The following SYN2 variants were observed in gnomAD, a reference collection of about 807,000 sequenced individuals.
SYN2 encodes the protein synapsin-2.
In SYN2, 19 loss-of-function variants were observed where a neutral mutation model predicts 50.9. The ratio of observed to expected loss-of-function variants is 0.37; its 90% CI spans 0.26 to 0.55. The LOEUF is 0.55. SYN2 is among the 20% of genes least tolerant of loss of function. SYN2 has a pLI of 0.81. For missense variants in SYN2, 587 were observed against 576.4 expected, an observed-to-expected ratio of 1.02 and a Z score of -0.19; for synonymous variants, 255 against 224.9, an observed-to-expected ratio of 1.13 and a Z score of -1.20.
At chr3:12,097,593 G>A (rs563056987) in intron 1 of SYN2, among the ~76,000 whole-genome samples, 7 of 146,142 alleles carry the variant, frequency 4.8e-5, no homozygotes, top group South Asian at 2.1e-4. Flanking sequence ...GCGACAGAGC[G>A]AGACTCCATC....
intron 1 of SYN2, among the ~76,000 whole-genome samples, chr3:12,103,335 A>G (rs754419303): frequency 2.0e-5 from 3 of 152,216 alleles, no homozygotes; most frequent in Non-Finnish European, 4.4e-5. Flanking sequence ...AAAGGCAAGC[A>G]AAGAAGTGAG....
In SYN2 at chr3:12,057,101, G is replaced by A. The variant is rs538906623; in HGVS notation, c.377+52173G>A. Among the ~76,000 whole-genome samples, 5 of 152,250 alleles carry A rather than the reference G, an allele frequency of 3.3e-5. No homozygotes were observed. In the South Asian group the frequency reaches 1.0e-3, roughly 32 times the overall value. Reference sequence around the variant, plus strand: ...GAGGTCAGGAGTTCAAGACCAACTTGGCCAACGTGGTGAAAACCCATCTCT... The same window carrying A: ...GAGGTCAGGAGTTCAAGACCAACTTAGCCAACGTGGTGAAAACCCATCTCT... On this transcript the variant is annotated intron_variant, in intron 1 of 12. Coordinates refer to ENST00000621198, the MANE Select transcript of SYN2 (RefSeq NM_133625.6).
At chr3:12,007,261 A>G (rs1379474295) in intron 1 of SYN2, among the ~76,000 whole-genome samples, 2 of 152,060 alleles carry the variant, frequency 1.3e-5, no homozygotes, top group African/African-American at 4.8e-5. Context: ...CTGTTTTCCT[A>G]TTTTCTCTGA....
intron 1 of SYN2, among the ~76,000 whole-genome samples, chr3:12,011,456 C>T (rs1478790865): frequency 6.6e-6 from 1 of 152,172 alleles, no homozygotes; most frequent in African/African-American, 2.4e-5. Flanking sequence ...GCAGATACCA[C>T]AGGTGCCTGA....
chr3:12,054,494 A>G (rs1233852557), intron 1 of SYN2, among the ~76,000 whole-genome samples: 1 of 152,154 alleles, frequency 6.6e-6, no homozygotes, highest in Non-Finnish European at 1.5e-5. Flanking sequence ...AGTAAAGCCA[A>G]GAGAATCTGG....
chr3:12,129,764 T>C (rs1489976181), intron 1 of SYN2, among the ~76,000 whole-genome samples: 5 of 152,124 alleles, frequency 3.3e-5, no homozygotes, highest in Non-Finnish European at 7.4e-5. Context: ...AATCAAGAAA[T>C]AGGTCTTTAC....
chr3:12,158,966 G>T, intron 5 of SYN2: 2 of 1,338,874 alleles, frequency 1.5e-6, no homozygotes, highest in Non-Finnish European at 2.0e-6. Flanking sequence ...GGCCAATCCC[G>T]CCCCGACGGG....
At chr3:12,025,600 C>T (rs1694240504) in intron 1 of SYN2, among the ~76,000 whole-genome samples, 1 of 152,148 alleles carries the variant, frequency 6.6e-6, no homozygotes, top group African/African-American at 2.4e-5. Context: ...GAGTCTAAAC[C>T]AATCACATTA....
intron 1 of SYN2, among the ~76,000 whole-genome samples, chr3:12,049,135 G>GTA (rs1694802907): frequency 6.6e-6 from 1 of 152,162 alleles, no homozygotes; most frequent in African/African-American, 2.4e-5. Flanking sequence ...TGTGCTATGT[G>GTA]TAGTAAGATA....
intron 1 of SYN2, among the ~76,000 whole-genome samples, chr3:12,016,974 A>G (rs1247101489): frequency 3.2e-4 from 49 of 151,844 alleles, no homozygotes; most frequent in Admixed American, 3.2e-3. Flanking sequence ...TATATAAAGA[A>G]CTCTTTATAT....
At chr3:12,117,836 A>C (rs1696466116) in intron 1 of SYN2, among the ~76,000 whole-genome samples, 1 of 152,180 alleles carries the variant, frequency 6.6e-6, no homozygotes, top group Non-Finnish European at 1.5e-5. Flanking sequence ...TTCCTGGAGC[A>C]AATTTGGAAA....
chr3:12,050,791 A>C (rs1176740999), intron 1 of SYN2, among the ~76,000 whole-genome samples: 2 of 120,830 alleles, frequency 1.7e-5, no homozygotes, highest in Non-Finnish European at 3.2e-5. Flanking sequence ...TGTGGACTGC[A>C]GTGGCGCGAT....
chr3:12,152,217 C>G (rs1003577477), intron 5 of SYN2, among the ~76,000 whole-genome samples: 2 of 152,222 alleles, frequency 1.3e-5, no homozygotes, highest in Admixed American at 1.3e-4. Flanking sequence ...TGCTCACCAG[C>G]AGACCACATA....
intron 1 of SYN2, among the ~76,000 whole-genome samples, chr3:12,099,202 C>G (rs887208538): frequency 6.6e-6 from 1 of 152,028 alleles, no homozygotes; most frequent in Non-Finnish European, 1.5e-5. Flanking sequence ...TGAACAACAC[C>G]AAAGCCAACT....
chr3:12,190,749 C>G lies in SYN2; in HGVS notation c.*124C>G. ...GACGTGTGTGGTCCCTTCCTCTGCT[C>G]TGTTGTACTAAGTGATGTTGTGCAG... On this transcript the variant is annotated 3_prime_UTR_variant, in exon 13 of 13. Coordinates refer to ENST00000621198, the MANE Select transcript of SYN2 (RefSeq NM_133625.6). 1.4e-6 allele frequency: 2 copies of G among 1,465,558 alleles called. No individual in the cohort carries two copies. Among genetic ancestry groups the G allele is most frequent in the Non-Finnish European group, 1.8e-6 (2 of 1,112,618 alleles). The allele number at this position is 1,465,558 out of a possible 1,614,324, so 90.8% of individuals were successfully genotyped here.
intron 1 of SYN2, among the ~76,000 whole-genome samples, chr3:12,051,590 C>T (rs1036330777): frequency 3.9e-5 from 6 of 152,110 alleles, no homozygotes; most frequent in Admixed American, 2.0e-4. Flanking sequence ...TATAGTCTGC[C>T]GCCTTCATTT....
chr3:12,050,861 G>A (rs1482881388), intron 1 of SYN2, among the ~76,000 whole-genome samples: 1 of 150,228 alleles, frequency 6.7e-6, no homozygotes, highest in Non-Finnish European at 1.5e-5. Context: ...TCAGCCTCCC[G>A]AGTAGCTGGG....
At chr3:12,165,869 T>C (rs943846528) in intron 7 of SYN2, among the ~76,000 whole-genome samples, 5 of 152,106 alleles carry the variant, frequency 3.3e-5, no homozygotes, top group African/African-American at 4.8e-5. Context: ...GGTAGTGGAG[T>C]GTAGGGAAAA....
intron 1 of SYN2, among the ~76,000 whole-genome samples, chr3:12,024,994 AT>A (rs1299961568): frequency 6.6e-6 from 1 of 152,156 alleles, no homozygotes; most frequent in Admixed American, 6.5e-5. Flanking sequence ...ACAGAAATTT[AT>A]TTCTCACAGT....
Sources: allele counts gnomAD v4.1 joint callset (sites outside exome capture counted in the v4.1 genomes callset), GRCh38; gene constraint gnomAD v4.1.1; transcripts MANE v1.5; gene names NCBI Gene and HGNC (gene_info 2026-07-23, HGNC 2026-07-21).